The following SLC25A16 variants were observed in gnomAD, a reference collection of about 807,000 sequenced individuals.
SLC25A16 encodes solute carrier family 25 member 16.
A neutral mutation model predicts 41.5 loss-of-function variants in SLC25A16; 39 were observed. The ratio of observed to expected loss-of-function variants is 0.94; its 90% CI spans 0.73 to 1.23. The LOEUF is 1.23. Among genes scored for constraint, SLC25A16 ranks in the 50% most tolerant of loss-of-function variants. The pLI, the probability that SLC25A16 is intolerant of heterozygous loss-of-function variation, is 0.00. For synonymous variants in SLC25A16, 146 were observed against 147.8 expected, an observed-to-expected ratio of 0.99 and a Z score of 0.09; for missense variants, 421 against 426.9, an observed-to-expected ratio of 0.99 and a Z score of 0.12.
chr10:68,483,722 G>T, intron 8 of SLC25A16, 134 bp from the exon 9 acceptor site: 1 of 639,612 alleles, frequency 1.6e-6, no homozygotes, highest in Non-Finnish European at 2.5e-6. Flanking sequence ...GATTGCAGTG[G>T]CATGATCTTG....
intron 1 of SLC25A16, among the ~76,000 whole-genome samples, chr10:68,520,020 G>A (rs1367832560): frequency 2.0e-5 from 3 of 146,450 alleles, no homozygotes; most frequent in East Asian, 4.2e-4. Flanking sequence ...GTGCGATCTC[G>A]GCTCACTACA....
intron 2 of SLC25A16, among the ~76,000 whole-genome samples, chr10:68,514,061 C>T (rs1391672590): frequency 1.3e-5 from 2 of 152,002 alleles, no homozygotes; most frequent in African/African-American, 2.4e-5. Context: ...GTCATGGTGG[C>T]GGATGCCTGT....
At position 68,480,955 on chromosome 10, in the gene SLC25A16, C is replaced by A. The variant is rs1590085879; in HGVS notation, c.*2477G>T. The A allele has an allele frequency of 6.7e-6, 1 of 150,184 alleles. No individual in the cohort carries two copies. The highest frequency in any genetic ancestry group is 1.5e-5 in the Non-Finnish European group (1 of 67,588). 9.3% of individuals were successfully genotyped at this position (150,184 alleles called of 1,614,324 possible). Reference sequence around the variant, plus strand: ...CTGTATAAAAGAAATTTTTGTACAGCCTTTTTTTTTCTTTTATACAGTCTC... The same window carrying A: ...CTGTATAAAAGAAATTTTTGTACAGACTTTTTTTTTCTTTTATACAGTCTC... On this transcript the variant is annotated 3_prime_UTR_variant, in exon 9 of 9. Transcript: ENST00000609923.
rs59336332 is a variant in SLC25A16, at chr10:68,508,403, TAAAA to T, written c.224-1689_224-1686del. On this transcript the variant is annotated intron_variant, in intron 2 of 8. Transcript: ENST00000609923. ...TGGATAGGAGAGTAACAGGAAGCTT[TAAAA>T]AAAAAAAAAAAAAAAAGAATTCTAG... Among the ~76,000 whole-genome samples the T allele has an allele frequency of 5.8e-3, 737 of 126,130 alleles. 3 individuals carry two copies. The highest frequency in any genetic ancestry group is 6.1e-3 in the Non-Finnish European group (373 of 61,110). The allele number at this position is 126,130 out of a possible 152,430, so 82.7% of individuals were successfully genotyped here. A position where few individuals can be genotyped will look rare whatever the true frequency, so the allele number is the denominator to read the frequency against.
intron 6 of SLC25A16, among the ~76,000 whole-genome samples, chr10:68,492,032 T>TG (rs1286733222): frequency 6.6e-6 from 1 of 151,994 alleles, no homozygotes; most frequent in Non-Finnish European, 1.5e-5. Context: ...TTCATCATGT[T>TG]GGCCAGGCCA....
chr10:68,507,810 G>C (rs905963477), intron 2 of SLC25A16, among the ~76,000 whole-genome samples: 19 of 152,032 alleles, frequency 1.2e-4, no homozygotes, highest in African/African-American at 4.6e-4. Context: ...AAATCACCAG[G>C]TTCATTTCAA....
At chr10:68,491,923 G>A (rs530743998) in intron 6 of SLC25A16, among the ~76,000 whole-genome samples, 1 of 152,128 alleles carries the variant, frequency 6.6e-6, no homozygotes, top group East Asian at 1.9e-4. Context: ...CCGCCTCCCG[G>A]GTTCAAATGA....
At chr10:68,516,980 T>A (rs1009385894) in intron 1 of SLC25A16, 137 bp from the exon 2 acceptor site, 1 of 976,678 alleles carries the variant, frequency 1.0e-6, no homozygotes, top group African/African-American at 1.7e-5. Flanking sequence ...CGTATAGATA[T>A]GCAGATGACT....
intron 6 of SLC25A16, among the ~76,000 whole-genome samples, chr10:68,491,515 G>A (rs548380227): frequency 7.3e-5 from 11 of 151,688 alleles, no homozygotes; most frequent in South Asian, 4.2e-4. Context: ...ATGAGCCACC[G>A]CACCGGCCCT....
chr10:68,493,136 A>G lies in SLC25A16; in HGVS notation c.606T>C (p.Tyr202=), dbSNP rs766644511. The part of the protein sequence containing the change: ...LMPTILGMAP[Y]AGVSFFTFGT... Reference sequence around the variant, plus strand: ...TCTGGCAAATTTGAAACATACCTGCATATGGAGCCATTCCTAAAATAGTAG... The same window carrying G: ...TCTGGCAAATTTGAAACATACCTGCGTATGGAGCCATTCCTAAAATAGTAG... Residue 202 remains tyrosine, a synonymous_variant, in exon 6 of 9, where the codon TAT becomes TAC. Coordinates refer to ENST00000609923, the MANE Select transcript of SLC25A16 (RefSeq NM_152707.4). 7.6e-6 allele frequency: 12 copies of G among 1,581,936 alleles called. No individual in the cohort carries two copies. In the Admixed American group the frequency reaches 1.5e-4, roughly 20 times the overall value.
At position 68,493,189 on chromosome 10, in the gene SLC25A16, A is replaced by C. The variant is rs1044958322; in HGVS notation, c.553T>G (p.Phe185Val). The C allele has an allele frequency of 2.5e-6, 4 of 1,593,886 alleles. No homozygotes were observed. Among genetic ancestry groups the C allele is most frequent in the Non-Finnish European group, 3.4e-6 (4 of 1,171,592 alleles). ...ATCAGACCTCTGTAAAATCCAAAGA[A>C]ACCACCTTCCTTTTGAGTGAAGGAA... ...FKTIYAKEGG[F>V]FGFYRGLMPT... The change falls in exon 6 of 9, where the codon TTC (phenylalanine) becomes GTC (valine). Residue 185 changes from phenylalanine to valine, a missense_variant. Coordinates refer to ENST00000609923, the MANE Select transcript of SLC25A16 (RefSeq NM_152707.4).
chr10:68,493,454 C>A lies in SLC25A16; in HGVS notation c.538G>T (p.Ala180Ser). 6.2e-7 allele frequency: 1 copy of A among 1,612,820 alleles called. No homozygotes were observed. The highest frequency in any genetic ancestry group is 1.1e-5 in the South Asian group (1 of 91,044). Reference protein sequence around the residue: ...GIIHAFKTIYAKEGGFFGFYR... With the variant: ...GIIHAFKTIYSKEGGFFGFYR... ...GGAAGGTAAATATGAAATACCTTTG[C>A]ATAAATTGTTTTGAAAGCATGAATA... The change falls in exon 5 of 9, where the codon GCA (alanine) becomes TCA (serine). Residue 180 changes from alanine to serine, a missense_variant. Physicochemically the swap from Ala to Ser is moderately conservative, Grantham distance 99. Coordinates refer to ENST00000609923, the MANE Select transcript of SLC25A16 (RefSeq NM_152707.4).
chr10:68,518,723 G>A (rs908388980), intron 1 of SLC25A16, among the ~76,000 whole-genome samples: 1 of 151,518 alleles, frequency 6.6e-6, no homozygotes, highest in African/African-American at 2.4e-5. Context: ...ATAGTGAGCC[G>A]AGATCGCACC....
chr10:68,527,177 C>T, intron 1 of SLC25A16, 69 bp downstream of exon 1: 1 of 1,492,892 alleles, frequency 6.7e-7, no homozygotes, highest in Non-Finnish European at 9.0e-7. Flanking sequence ...AGGCCGCTTG[C>T]ATCCCACTTG....
chr10:68,523,890 C>T (rs1213295087), intron 1 of SLC25A16, among the ~76,000 whole-genome samples: 1 of 151,984 alleles, frequency 6.6e-6, no homozygotes, highest in African/African-American at 2.4e-5. Context: ...CTTGAGGCCA[C>T]GGGTTCGAGA....
chr10:68,487,822 T>A (rs968316096), intron 7 of SLC25A16, among the ~76,000 whole-genome samples: 5 of 152,112 alleles, frequency 3.3e-5, no homozygotes, highest in Non-Finnish European at 7.3e-5. Context: ...TACAGATAAC[T>A]GCCTGAAATT....
chr10:68,513,521 T>C (rs893752272), intron 2 of SLC25A16, among the ~76,000 whole-genome samples: 2 of 152,180 alleles, frequency 1.3e-5, no homozygotes, highest in Admixed American at 6.6e-5. Flanking sequence ...AATAACACTT[T>C]TAAAATGCAG....
chr10:68,527,327 G>A lies in SLC25A16; in HGVS notation c.49C>T (p.Pro17Ser). Residue 17 changes from proline (P) to serine (S), a missense_variant, in exon 1 of 9, where the codon CCC becomes TCC. Physicochemically the swap from Pro to Ser is moderately conservative, Grantham distance 74. Transcript: ENST00000609923. ...GCCCCTGCCGCCTGCGGCATTGCGG[G>A]AGGGGGATCGGCCGCCGCCAGGGCT... The part of the protein sequence containing the change: ...AAALAAADPP[P>S]AMPQAAGAGG... 6.5e-7 allele frequency: 1 copy of A among 1,538,850 alleles called. No homozygotes were observed. Among genetic ancestry groups the A allele is most frequent in the Non-Finnish European group, 8.7e-7 (1 of 1,143,004 alleles).
At chr10:68,525,659 A>G (rs1190819890) in intron 1 of SLC25A16, among the ~76,000 whole-genome samples, 1 of 152,200 alleles carries the variant, frequency 6.6e-6, no homozygotes, top group Non-Finnish European at 1.5e-5. Context: ...TAAATAATTA[A>G]GTAATGACAA....
Sources: allele counts gnomAD v4.1 joint callset (sites outside exome capture counted in the v4.1 genomes callset), GRCh38; gene constraint gnomAD v4.1.1; transcripts MANE v1.5; gene names NCBI Gene and HGNC (gene_info 2026-07-23, HGNC 2026-07-21).